Variants in SYNDIG1L observed in about 807,000 individuals in gnomAD.
The protein encoded by SYNDIG1L is synapse differentiation inducing 1 like.
SYNDIG1L carries 13 observed loss-of-function variants against 20.1 expected under a neutral mutation model. The observed-to-expected ratio is 0.65, with a 90% CI of 0.42 to 1.03. The LOEUF (loss-of-function observed/expected upper bound fraction) is 1.03, where lower values mean the gene tolerates loss of function less well. SYNDIG1L is among the 50% of genes least tolerant of loss of function. The probability of loss-of-function intolerance (pLI) is 0.00; values close to 1 mark genes in which losing one functional copy is unlikely to be tolerated. For missense variants in SYNDIG1L, 294 were observed against 305.1 expected, an observed-to-expected ratio of 0.96 and a Z score of 0.27; for synonymous variants, 128 against 129.3, an observed-to-expected ratio of 0.99 and a Z score of 0.07.
chr14:74,416,922 G>C (rs552812687), intron 1 of SYNDIG1L, among the ~76,000 whole-genome samples: 9 of 152,336 alleles, frequency 5.9e-5, no homozygotes, highest in African/African-American at 2.2e-4. Flanking sequence ...TAGGAAAGTT[G>C]TAGGTGCTCA....
chr14:74,454,154 T>C, the SYNDIG1L span, among the ~76,000 whole-genome samples: 2 of 152,324 alleles, frequency 1.3e-5, no homozygotes, highest in Non-Finnish European at 2.9e-5. Flanking sequence ...CTATGTTCTT[T>C]ACAGAAGTTA....
chr14:74,407,935 G>A lies in SYNDIG1L; in HGVS notation c.472C>T (p.Pro158Ser). 4 of 1,613,916 alleles carry A rather than the reference G, an allele frequency of 2.5e-6. No individual in the cohort carries two copies. The highest frequency in any genetic ancestry group is 3.4e-6 in the Non-Finnish European group (4 of 1,179,878). ...AGAGTAAGTCCCAGGTGGTCCCTGGGAGGCAGCGTGAGGAAGTTGTCTTCA... is the reference window on the plus strand; with the variant it reads ...AGAGTAAGTCCCAGGTGGTCCCTGGAAGGCAGCGTGAGGAAGTTGTCTTCA... ...ESEDNFLTLP[P>S]RDHLGLTLFS... Residue 158 changes from proline to serine, a missense_variant, in exon 3 of 4, where the codon CCC becomes TCC. Physicochemically the swap from Pro to Ser is moderately conservative, Grantham distance 74 (BLOSUM62 -1). Coordinates refer to ENST00000331628, the MANE Select transcript of SYNDIG1L (RefSeq NM_001105579.2).
chr14:74,474,975 G>C, the SYNDIG1L span: 1 of 152,190 alleles, frequency 6.6e-6, no homozygotes, highest in African/African-American at 2.4e-5. Flanking sequence ...GATGTTTACA[G>C]TCTAGTAGGA....
the SYNDIG1L span, among the ~76,000 whole-genome samples, chr14:74,477,099 T>C: frequency 9.5e-4 from 81 of 85,486 alleles, no homozygotes; most frequent in African/African-American, 1.1e-3. Context: ...CAACCCTGTC[T>C]CCCCCCAGCC....
Position 74,426,079 on chromosome 14 carries a change from TCCCGCCCGCAGCCCGCCGCCGCCGCCCGC to T in SYNDIG1L, c.-254_-226del, listed in dbSNP as rs2086262825. On this transcript the variant is annotated 5_prime_UTR_variant, in exon 1 of 4. The change abolishes the stop of an existing upstream ORF in the 5' untranslated region. Coordinates refer to ENST00000331628, the MANE Select transcript of SYNDIG1L (RefSeq NM_001105579.2). ...CCGCCGCTTCAGCACCGCGGACAGC[TCCCGCCCGCAGCCCGCCGCCGCCGCCCGC>T]CCCGCCCCGCGCGGTCCCGGGAGCC... 6.7e-6 allele frequency: 1 copy of T among 149,780 alleles called. No homozygotes were observed. The highest frequency in any genetic ancestry group is 1.5e-5 in the Non-Finnish European group (1 of 66,984). The allele number at this position is 149,780 out of a possible 1,614,324, so 9.3% of individuals were successfully genotyped here. A position where few individuals can be genotyped will look rare whatever the true frequency, so the allele number is the denominator to read the frequency against.
chr14:74,458,911 T>G, the SYNDIG1L span, among the ~76,000 whole-genome samples: 1 of 152,218 alleles, frequency 6.6e-6, no homozygotes, highest in East Asian at 1.9e-4. Context: ...CTCCCTGCTG[T>G]CCACCGTCTG....
At chr14:74,442,204 G>A in the SYNDIG1L span, among the ~76,000 whole-genome samples, 1 of 152,096 alleles carries the variant, frequency 6.6e-6, no homozygotes, top group Non-Finnish European at 1.5e-5. Flanking sequence ...ATACGATTAT[G>A]AGAAAAACTA....
At chr14:74,421,869 T>G (rs529099993) in intron 1 of SYNDIG1L, among the ~76,000 whole-genome samples, 4 of 152,214 alleles carry the variant, frequency 2.6e-5, no homozygotes, top group Non-Finnish European at 1.5e-5. Flanking sequence ...TCTTAGTCAC[T>G]GTCTTCCAGG....
intron 1 of SYNDIG1L, among the ~76,000 whole-genome samples, chr14:74,419,841 G>C (rs556472163): frequency 6.6e-6 from 1 of 152,270 alleles, no homozygotes. Flanking sequence ...ATTTCCAGAA[G>C]AGGTTATAGC....
upstream of SYNDIG1L, among the ~76,000 whole-genome samples, chr14:74,430,757 C>T (rs1208024557): frequency 6.6e-6 from 1 of 151,036 alleles, no homozygotes; most frequent in Non-Finnish European, 1.5e-5. Context: ...TATTTGCTTG[C>T]ACACTACAAT....
the SYNDIG1L span, among the ~76,000 whole-genome samples, chr14:74,433,887 T>C: frequency 1.3e-5 from 2 of 152,176 alleles, no homozygotes; most frequent in Admixed American, 1.3e-4. Flanking sequence ...CACACAAAAC[T>C]AGCCATCACA....
chr14:74,472,549 C>A, the SYNDIG1L span, among the ~76,000 whole-genome samples: 2 of 152,162 alleles, frequency 1.3e-5, no homozygotes, highest in African/African-American at 2.4e-5. Context: ...CCCAAAGATG[C>A]CTTCAAGGGA....
intron 1 of SYNDIG1L, among the ~76,000 whole-genome samples, chr14:74,417,408 C>T (rs1195034420): frequency 6.6e-6 from 1 of 152,140 alleles, no homozygotes; most frequent in Non-Finnish European, 1.5e-5. Context: ...TAAAGAGAGG[C>T]CAAAAGGACA....
chr14:74,431,240 T>C, the SYNDIG1L span, among the ~76,000 whole-genome samples: 1 of 152,114 alleles, frequency 6.6e-6, no homozygotes, highest in African/African-American at 2.4e-5. Flanking sequence ...CATGTGCGTG[T>C]GTGTGTGTGT....
In SYNDIG1L at chr14:74,419,766, T is replaced by C. The variant is rs963164512; in HGVS notation, c.-58+6146A>G. ...GAAGAGGCTTCTCAGAGCAGGTGACTTCTGAACTCAGTCTTGAAGGAAAAA... is the reference window on the plus strand; with the variant it reads ...GAAGAGGCTTCTCAGAGCAGGTGACCTCTGAACTCAGTCTTGAAGGAAAAA... On this transcript the variant is annotated intron_variant, in intron 1 of 3. Coordinates refer to ENST00000331628, the MANE Select transcript of SYNDIG1L (RefSeq NM_001105579.2). Among the ~76,000 whole-genome samples, 5 of 152,192 alleles carry C rather than the reference T, an allele frequency of 3.3e-5. No homozygotes were observed. The South Asian group carries it at 1.0e-3, about 32-fold the overall frequency.
the SYNDIG1L span, among the ~76,000 whole-genome samples, chr14:74,454,525 G>A: frequency 6.6e-6 from 1 of 152,276 alleles, no homozygotes; most frequent in African/African-American, 2.4e-5. Context: ...AGCTGGAGCC[G>A]CTTCCTTTTA....
chr14:74,469,566 C>T, the SYNDIG1L span, among the ~76,000 whole-genome samples: 1 of 152,112 alleles, frequency 6.6e-6, no homozygotes, highest in African/African-American at 2.4e-5. Flanking sequence ...GCTTTCTCCT[C>T]TAACCCTAGA....
rs1026168619 is a variant in SYNDIG1L at position 74,407,390 on chromosome 14, G to A, written c.*145C>T. On this transcript the variant is annotated 3_prime_UTR_variant, in exon 4 of 4. Transcript: ENST00000331628. Reference sequence around the variant, plus strand: ...GCAGAAGTGAAGGCTGAGCTCTGCAGGCTGTGGAATGGGGGTCTCCCCCTC... The same window carrying A: ...GCAGAAGTGAAGGCTGAGCTCTGCAAGCTGTGGAATGGGGGTCTCCCCCTC... The A allele has an allele frequency of 1.4e-5, 16 of 1,163,918 alleles. No homozygotes were observed. The African/African-American group carries it at 1.8e-4, about 13-fold the overall frequency. The allele number at this position is 1,163,918 out of a possible 1,614,324, so 72.1% of individuals were successfully genotyped here. A position where few individuals can be genotyped will look rare whatever the true frequency, so the allele number is the denominator to read the frequency against.
the SYNDIG1L span, among the ~76,000 whole-genome samples, chr14:74,443,061 A>G: frequency 7.2e-5 from 11 of 152,322 alleles, no homozygotes; most frequent in African/African-American, 2.6e-4. Context: ...TTTGGGGAAA[A>G]TTAGCACAGA....
Sources: gnomAD v4.1 joint callset for allele counts (sites outside exome capture counted in the v4.1 genomes callset) on GRCh38, gnomAD v4.1.1 for gene constraint, MANE v1.5 for transcripts, NCBI Gene and HGNC (gene_info 2026-07-23, HGNC 2026-07-21) for gene names.